Variants in DIPK1B observed in about 807,000 individuals in gnomAD.
The protein encoded by DIPK1B is family with sequence similarity 69 member B.
DIPK1B carries 17 observed loss-of-function variants against 20.7 expected under a neutral mutation model. The observed-to-expected ratio is 0.82, with a 90% CI of 0.56 to 1.23. The LOEUF is 1.23. DIPK1B is among the 50% of genes most tolerant of loss of function. The pLI is 0.00. For missense variants in DIPK1B, 648 were observed against 601.8 expected, an observed-to-expected ratio of 1.08 and a Z score of -0.80; for synonymous variants, 343 against 276.5, an observed-to-expected ratio of 1.24 and a Z score of -2.39.
chr9:136,722,698 C>T, intron 4 of DIPK1B: 2 of 582,796 alleles, frequency 3.4e-6, no homozygotes, highest in Admixed American at 3.1e-5. Flanking sequence ...TGCCCAGGTG[C>T]CCACCCCCGA....
At chr9:136,714,732 G>T (rs1455613212) in intron 1 of DIPK1B, among the ~76,000 whole-genome samples, 1 of 152,228 alleles carries the variant, frequency 6.6e-6, no homozygotes, top group African/African-American at 2.4e-5. Context: ...GGCCTGGAGG[G>T]CTCCCCACAC....
intron 1 of DIPK1B, among the ~76,000 whole-genome samples, chr9:136,714,747 G>A (rs760154695): frequency 7.3e-4 from 111 of 152,352 alleles, no homozygotes; most frequent in Non-Finnish European, 1.5e-3. Flanking sequence ...CCACACCGGA[G>A]CCACGCCCTC....
intron 2 of DIPK1B, among the ~76,000 whole-genome samples, chr9:136,719,678 CTAGGTGCTGG>C (rs566561625): frequency 6.6e-6 from 1 of 152,234 alleles, no homozygotes; most frequent in South Asian, 2.1e-4. Flanking sequence ...CCACACTCTG[CTAGGTGCTGG>C]TAGGTGCCCA....
rs1846609665 is a variant in DIPK1B, at chr9:136,721,978, C to G, written c.256C>G (p.Leu86Val). The G allele has an allele frequency of 6.2e-7, 1 of 1,613,662 alleles. No individual in the cohort carries two copies. The highest frequency in any genetic ancestry group is 8.5e-7 in the Non-Finnish European group (1 of 1,179,950). ...CTCCGTCTGCCAGGACCTGTGTGAG[C>G]TGCATATGGTGGAGTGGAGGACCTG... is the stretch of plus-strand genomic sequence containing the variant. ...SGSVCQDLCE[L>V]HMVEWRTCLS... The change falls in exon 3 of 5, where the codon CTG becomes GTG. Residue 86 changes from leucine to valine, a missense_variant. Leu to Val is a conservative substitution (Grantham distance 32, BLOSUM62 1). Coordinates refer to ENST00000371692, the MANE Select transcript of DIPK1B (RefSeq NM_152421.4).
intron 4 of DIPK1B, 45 bp from the exon 5 acceptor site, chr9:136,722,917 C>T: frequency 6.5e-7 from 1 of 1,537,336 alleles, no homozygotes; most frequent in South Asian, 1.2e-5. Context: ...TGCTCCCAGA[C>T]ATCAAATCAG....
intron 4 of DIPK1B, 73 bp downstream of exon 4, chr9:136,722,374 C>A: frequency 1.3e-6 from 2 of 1,497,178 alleles, no homozygotes; most frequent in Middle Eastern, 1.9e-4. Context: ...GGCCCTGGCA[C>A]CAACATGCCC....
intron 2 of DIPK1B, among the ~76,000 whole-genome samples, chr9:136,718,396 G>A (rs1846536081): frequency 6.6e-6 from 1 of 152,184 alleles, no homozygotes; most frequent in Non-Finnish European, 1.5e-5. Flanking sequence ...GGGAGATAGG[G>A]CTAAGTCCCC....
In DIPK1B at chr9:136,723,171, C is replaced by G; in HGVS notation, c.693C>G (p.Thr231=). The change falls in exon 5 of 5, where the codon ACC becomes ACG. Residue 231 remains threonine (T), a synonymous_variant. Transcript: ENST00000371692. ...LLGYCGDLYL[T]EGVPHGAWHA... is the part of the protein sequence containing the mutation. ...GCTACTGTGGGGACCTCTACCTCAC[C>G]GAGGGCGTGCCGCATGGCGCCTGGC... is the stretch of plus-strand genomic sequence containing the variant. 1 of 1,613,142 alleles carries G rather than the reference C, an allele frequency of 6.2e-7. No individual in the cohort carries two copies. The highest frequency in any genetic ancestry group is 8.5e-7 in the Non-Finnish European group (1 of 1,179,930).
intron 2 of DIPK1B, among the ~76,000 whole-genome samples, chr9:136,719,876 T>C (rs1234151510): frequency 6.6e-6 from 1 of 150,820 alleles, no homozygotes; most frequent in Non-Finnish European, 1.5e-5. Context: ...GGTCTGGGGC[T>C]CCGGGCGCAG....
chr9:136,719,518 A>G (rs1406596778), intron 2 of DIPK1B, among the ~76,000 whole-genome samples: 1 of 152,226 alleles, frequency 6.6e-6, no homozygotes, highest in Non-Finnish European at 1.5e-5. Flanking sequence ...AGCTTCCACC[A>G]GGGCCCTCGC....
At chr9:136,721,704 GGA>G in intron 2 of DIPK1B, 15 of 565,656 alleles carry the variant, frequency 2.7e-5, no homozygotes, top group South Asian at 1.4e-4. Flanking sequence ...GGACGGGACC[GGA>G]CCGGAGGGTT....
chr9:136,715,646 C>T (rs1338696303), intron 1 of DIPK1B, among the ~76,000 whole-genome samples: 1 of 151,886 alleles, frequency 6.6e-6, no homozygotes, highest in African/African-American at 2.4e-5. Flanking sequence ...TCCCAAGTAG[C>T]TGGGATTACA....
In DIPK1B at chr9:136,721,896, G is replaced by A. The variant is rs752221854; in HGVS notation, c.199-25G>A. On this transcript the variant is annotated intron_variant, in intron 2 of 4. Coordinates refer to ENST00000371692, the MANE Select transcript of DIPK1B (RefSeq NM_152421.4). ...GGGCAGGGGTGTGGCTGCCCCGCCCGGCACGCCTGCACCTGTCTCCTCAGT... is the reference window on the plus strand; with the variant it reads ...GGGCAGGGGTGTGGCTGCCCCGCCCAGCACGCCTGCACCTGTCTCCTCAGT... 56 of 1,607,304 alleles carry A rather than the reference G, an allele frequency of 3.5e-5. No individual in the cohort carries two copies. The East Asian group carries it at 5.1e-4, about 15-fold the overall frequency.
chr9:136,720,951 C>T (rs1846590011), intron 2 of DIPK1B: 1 of 152,288 alleles, frequency 6.6e-6, no homozygotes, highest in Non-Finnish European at 1.5e-5. Flanking sequence ...GAGGCCAAGT[C>T]CTTGGGACAG....
chr9:136,715,720 G>T (rs1267576132), intron 1 of DIPK1B, among the ~76,000 whole-genome samples: 1 of 151,512 alleles, frequency 6.6e-6, no homozygotes, highest in African/African-American at 2.4e-5. Flanking sequence ...CTCCCTGTTG[G>T]TCAGGCTGGT....
At position 136,723,747 on chromosome 9, in the gene DIPK1B, G is replaced by A. The variant is rs1470132989; in HGVS notation, c.1269G>A (p.Lys423=). 2.6e-6 allele frequency: 4 copies of A among 1,534,824 alleles called. No homozygotes were observed. The highest frequency in any genetic ancestry group is 1.4e-5 in the African/African-American group (1 of 73,108). The change falls in exon 5 of 5, where the codon AAG becomes AAA. Residue 423 remains lysine, a synonymous_variant. Transcript: ENST00000371692. The part of the protein sequence containing the change: ...VLSHLKTLLW[K]KISNTKYS ...GCCACCTCAAGACTCTGCTCTGGAA[G>A]AAGATCTCCAACACCAAGTACTCTT... is the stretch of plus-strand genomic sequence containing the variant.
chr9:136,720,469 C>T (rs544398562), intron 2 of DIPK1B, among the ~76,000 whole-genome samples: 1 of 151,122 alleles, frequency 6.6e-6, no homozygotes, highest in African/African-American at 2.5e-5. Context: ...TCCAGGAATT[C>T]TCCCCCCCCC....
rs549973036 is a variant in DIPK1B, at chr9:136,712,994, C to A, written c.63+266C>A. On this transcript the variant is annotated intron_variant, in intron 1 of 4. Transcript: ENST00000371692. The surrounding 1 kb of genome is among the most constrained non-coding windows in gnomAD (Gnocchi z 5.6). Reference sequence around the variant, plus strand: ...CGACCTGCAGGCGGTCCCTGCCCCCCAGGCCCAGAAACCACACCGAAGTCC... The same window carrying A: ...CGACCTGCAGGCGGTCCCTGCCCCCAAGGCCCAGAAACCACACCGAAGTCC... 6.6e-6 allele frequency among the ~76,000 whole-genome samples: 1 copy of A among 152,216 alleles called. No individual in the cohort carries two copies. The highest frequency in any genetic ancestry group is 1.5e-5 in the Non-Finnish European group (1 of 68,024).
chr9:136,722,031 A>T lies in DIPK1B; in HGVS notation c.306+3A>T. 1 of 1,613,284 alleles carries T rather than the reference A, an allele frequency of 6.2e-7. No individual in the cohort carries two copies. Among genetic ancestry groups the T allele is most frequent in the Non-Finnish European group, 8.5e-7 (1 of 1,179,858 alleles). On this transcript the variant is annotated splice_donor_region_variant and intron_variant, in intron 3 of 4. Coordinates refer to ENST00000371692, the MANE Select transcript of DIPK1B (RefSeq NM_152421.4). ...TCTCGGTGGCCCCGGGCCAGCAGGT[A>T]TAGCCACTGGCAGGGCGGGTGGGCC...
Sources: allele counts gnomAD v4.1 joint callset (sites outside exome capture counted in the v4.1 genomes callset), GRCh38; gene constraint gnomAD v4.1.1; non-coding constraint Gnocchi (gnomAD v3.1); transcripts MANE v1.5; gene names NCBI Gene and HGNC (gene_info 2026-07-23, HGNC 2026-07-21).